VCAN: variants seen among roughly 807,000 people sequenced by gnomAD.
The protein encoded by VCAN is versican core protein.
In VCAN, 44 loss-of-function variants were observed where a neutral mutation model predicts 245.5. The observed-to-expected ratio is 0.18, with a 90% confidence interval of 0.14 to 0.23. VCAN has a LOEUF of 0.23. VCAN is among the 10% of genes least tolerant of loss of function. VCAN has a pLI of 1.00. For synonymous variants in VCAN, 1,413 were observed against 1,437.0 expected, an observed-to-expected ratio of 0.98 and a Z score of 0.38; for missense variants, 3,793 against 4,057.9, an observed-to-expected ratio of 0.93 and a Z score of 1.77.
At chr5:83,475,412 T>C (rs1426185293) in intron 1 of VCAN, among the ~76,000 whole-genome samples, 3 of 152,258 alleles carry the variant, frequency 2.0e-5, no homozygotes, top group African/African-American at 4.8e-5. Context: ...TTTTGTCTGC[T>C]GAAAGCTGTG....
Position 83,548,015 on chromosome 5 carries a change from T to C in VCAN, c.9424T>C (p.Cys3142Arg). 1 of 1,614,104 alleles carries C rather than the reference T, an allele frequency of 6.2e-7. No individual in the cohort carries two copies. The highest frequency in any genetic ancestry group is 8.5e-7 in the Non-Finnish European group (1 of 1,179,958). ...HSNPCRNGAT[C>R]VDGFNTFRCL... is the part of the protein sequence containing the mutation. ...TAATCCCTGTCGTAATGGAGCCACTTGTGTTGATGGTTTTAACACATTCAG... is the reference window on the plus strand; with the variant it reads ...TAATCCCTGTCGTAATGGAGCCACTCGTGTTGATGGTTTTAACACATTCAG... The change falls in exon 10 of 15, where the codon TGT becomes CGT. Residue 3142 changes from cysteine (C) to arginine (R), a missense_variant. Around this residue, in one of 5 missense-constraint regions of VCAN, gnomAD observed 205 missense variants for 321.1 expected, o/e 0.64. Coordinates refer to ENST00000265077, the MANE Select transcript of VCAN (RefSeq NM_004385.5).
At chr5:83,511,268 T>A in intron 5 of VCAN, among the ~76,000 whole-genome samples, 1 of 150,510 alleles carries the variant, frequency 6.6e-6, no homozygotes, top group Non-Finnish European at 1.5e-5. Context: ...AAAAAAGAAG[T>A]CTCTTGAACC....
In VCAN at chr5:83,518,236, A is replaced by ATTTTT. The variant is rs5869182; in HGVS notation, c.1043-1112_1043-1108dup. On this transcript the variant is annotated intron_variant, in intron 6 of 14. Transcript: ENST00000265077. ...TAGGTTTTTATTTTTAAAAATACTG[A>ATTTTT]TTTTTATTTTAAAAAAACAATCATT... Among the ~76,000 whole-genome samples the ATTTTT allele has an allele frequency of 0.017, 2,531 of 151,920 alleles. 141 individuals are homozygous for ATTTTT. The East Asian group carries it at 0.2, about 12-fold the overall frequency.
chr5:83,524,968 G>C (rs1032851824), intron 7 of VCAN, among the ~76,000 whole-genome samples: 1 of 150,870 alleles, frequency 6.6e-6, no homozygotes, highest in Non-Finnish European at 1.5e-5. Context: ...ATCCAAGTAA[G>C]CAAAAATACC....
chr5:83,517,788 T>G (rs1387944174), intron 6 of VCAN, among the ~76,000 whole-genome samples: 1 of 152,178 alleles, frequency 6.6e-6, no homozygotes, highest in East Asian at 1.9e-4. Context: ...ATGACAGACT[T>G]TAAAGAATAT....
chr5:83,569,895 A>G (rs1053163676), intron 12 of VCAN, among the ~76,000 whole-genome samples: 12 of 152,186 alleles, frequency 7.9e-5, no homozygotes, highest in African/African-American at 2.6e-4. Flanking sequence ...CATTCATTAC[A>G]AACAACTTAG....
chr5:83,551,123 C>G (rs1435458060), intron 10 of VCAN, among the ~76,000 whole-genome samples: 2 of 151,886 alleles, frequency 1.3e-5, no homozygotes, highest in African/African-American at 4.8e-5. Flanking sequence ...CTGAGACAGG[C>G]ACTGTTAGTA....
Position 83,580,387 on chromosome 5 carries a change from A to G in VCAN, c.10144A>G (p.Lys3382Glu). ...SAKDNSINTS[K>E]HDHRWSRRWQ... Reference sequence around the variant, plus strand: ...AAAGGACAATTCAATAAATACATCCAAACATGATCATCGTTGGAGCCGGAG... The same window carrying G: ...AAAGGACAATTCAATAAATACATCCGAACATGATCATCGTTGGAGCCGGAG... Residue 3382 changes from lysine to glutamate, a missense_variant, in exon 15 of 15, where the codon AAA (lysine) becomes GAA (glutamate). Lys to Glu is a moderately conservative substitution (Grantham distance 56). Coordinates refer to ENST00000265077, the MANE Select transcript of VCAN (RefSeq NM_004385.5). 2 of 1,614,034 alleles carry G rather than the reference A, an allele frequency of 1.2e-6. No individual in the cohort carries two copies. The highest frequency in any genetic ancestry group is 1.7e-6 in the Non-Finnish European group (2 of 1,179,954).
At position 83,520,758 on chromosome 5, in the gene VCAN, A is replaced by C. The variant is rs748947582; in HGVS notation, c.2452A>C (p.Thr818Pro). The C allele has an allele frequency of 3.7e-5, 60 of 1,614,014 alleles. No individual in the cohort carries two copies. Among genetic ancestry groups the C allele is most frequent in the Non-Finnish European group, 4.9e-5 (58 of 1,179,990 alleles). The change falls in exon 7 of 15, where the codon ACA becomes CCA. Residue 818 changes from threonine to proline, a missense_variant. By Grantham distance (38) the Thr-to-Pro change is conservative. Transcript: ENST00000265077. ...TACAACATCCAAGCCTTTAGAGTCT[A>C]CAGAACCTTCAGCCTCTTCAAAATT... ...DNTTSKPLES[T>P]EPSASSKLPP...
At chr5:83,536,421 G>T (rs1359546284) in intron 7 of VCAN, 1 of 152,132 alleles carries the variant, frequency 6.6e-6, no homozygotes, top group Admixed American at 6.6e-5. Context: ...TATAAATAAA[G>T]CTCTCTTGTT....
chr5:83,495,809 G>A (rs949813511), intron 5 of VCAN, among the ~76,000 whole-genome samples: 1 of 152,070 alleles, frequency 6.6e-6, no homozygotes, highest in Admixed American at 6.5e-5. Flanking sequence ...TAAATGGTGG[G>A]CTTTCGTGAT....
At position 83,483,600 on chromosome 5, in the gene VCAN, A is replaced by G. The variant is rs558127445; in HGVS notation, c.70+12A>G. On this transcript the variant is annotated intron_variant, in intron 2 of 14. Transcript: ENST00000265077. ...TGCGCTACATAAAGGTGAGTGTGCT[A>G]ACAATTTCTTTGGTGTTAATTGAAA... The G allele has an allele frequency of 1.8e-5, 29 of 1,611,682 alleles. No individual in the cohort carries two copies. The highest frequency in any genetic ancestry group is 2.3e-5 in the Non-Finnish European group (27 of 1,178,016).
At chr5:83,501,743 T>A (rs932963748) in intron 5 of VCAN, among the ~76,000 whole-genome samples, 7 of 152,176 alleles carry the variant, frequency 4.6e-5, no homozygotes, top group African/African-American at 1.7e-4. Flanking sequence ...ACTGTGTTCT[T>A]CTTTTTCAAA....
Position 83,521,761 on chromosome 5 carries a change from C to A in VCAN, c.3455C>A (p.Ser1152Ter). The A allele has an allele frequency of 6.2e-7, 1 of 1,614,196 alleles. No homozygotes were observed. The highest frequency in any genetic ancestry group is 8.5e-7 in the Non-Finnish European group (1 of 1,180,030). ...GGTAGTAGTACAACAGGATTTACAT[C>A]ATCTTTGAGTCCTTTTAGTACCCAC... Reference protein sequence around the residue: ...TEGSSTTGFTSSLSPFSTHIT... With the variant: ...TEGSSTTGFT Residue 1152 changes from serine (S) to a stop codon, truncating the protein, a stop_gained, in exon 7 of 15, where the codon TCA (serine) becomes TAA (stop). Transcript: ENST00000265077. LOFTEE classifies it high-confidence loss of function.
chr5:83,480,509 G>A (rs1744577350), intron 1 of VCAN, among the ~76,000 whole-genome samples: 1 of 152,146 alleles, frequency 6.6e-6, no homozygotes. Context: ...AGGTGTTAAG[G>A]AATTGTTGGC....
Position 83,522,044 on chromosome 5 carries a change from T to C in VCAN, c.3738T>C (p.Ser1246=). ...GGGAACCTGGTGAAGAAACAACCAGTGACATGGTAATCATTGGAGAATCAA... is the reference window on the plus strand; with the variant it reads ...GGGAACCTGGTGAAGAAACAACCAGCGACATGGTAATCATTGGAGAATCAA... ...IDREPGEETT[S]DMVIIGESTS... is the part of the protein sequence containing the mutation. Residue 1246 remains serine (S), a synonymous_variant, in exon 7 of 15, where the codon AGT becomes AGC. Transcript: ENST00000265077. The C allele has an allele frequency of 6.2e-7, 1 of 1,614,152 alleles. No individual in the cohort carries two copies. Among genetic ancestry groups the C allele is most frequent in the Non-Finnish European group, 8.5e-7 (1 of 1,180,020 alleles).
intron 5 of VCAN, among the ~76,000 whole-genome samples, chr5:83,500,049 T>C (rs1315020698): frequency 3.9e-5 from 6 of 152,200 alleles, no homozygotes. Context: ...TTCCTATAGA[T>C]TCTCAGATTG....
intron 12 of VCAN, among the ~76,000 whole-genome samples, chr5:83,559,054 A>C (rs1402394858): frequency 6.6e-6 from 1 of 152,132 alleles, no homozygotes; most frequent in Non-Finnish European, 1.5e-5. Flanking sequence ...CTATAGCAAA[A>C]TGTGCCTACT....
Position 83,538,631 on chromosome 5 carries a change from T to A in VCAN, c.5628T>A (p.Thr1876=), listed in dbSNP as rs765208676. 6.2e-7 allele frequency: 1 copy of A among 1,614,096 alleles called. No individual in the cohort carries two copies. The highest frequency in any genetic ancestry group is 8.5e-7 in the Non-Finnish European group (1 of 1,179,964). ...GCACTTTGTCTCCGCATGTGGAAACTACATTCTCCACTGAGCCAACAGGAC... is the reference window on the plus strand; with the variant it reads ...GCACTTTGTCTCCGCATGTGGAAACAACATTCTCCACTGAGCCAACAGGAC... ...VAGTLSPHVE[T]TFSTEPTGLV... The change falls in exon 8 of 15, where the codon ACT becomes ACA. Residue 1876 remains threonine (T), a synonymous_variant. Coordinates refer to ENST00000265077, the MANE Select transcript of VCAN (RefSeq NM_004385.5).
Sources: gnomAD v4.1 joint callset for allele counts (sites outside exome capture counted in the v4.1 genomes callset) on GRCh38, gnomAD v4.1.1 for gene constraint, gnomAD v4.1.1 regional missense constraint, MANE v1.5 for transcripts, NCBI Gene and HGNC (gene_info 2026-07-23, HGNC 2026-07-21) for gene names.